The following RECQL5 variants were observed in gnomAD, a reference collection of about 807,000 sequenced individuals.
The protein encoded by RECQL5 is ATP-dependent DNA helicase Q5.
In RECQL5, 88 loss-of-function variants were observed where a neutral mutation model predicts 103.4. The observed-to-expected ratio is 0.85, with a 90% CI of 0.72 to 1.02. The LOEUF (loss-of-function observed/expected upper bound fraction) is 1.02. RECQL5 is among the 50% of genes least tolerant of loss of function. The pLI is 0.00. For synonymous variants in RECQL5, 552 were observed against 507.9 expected, an observed-to-expected ratio of 1.09 and a Z score of -1.17; for missense variants, 1,232 against 1,284.3, an observed-to-expected ratio of 0.96 and a Z score of 0.62.
At chr17:75,649,901 C>T (rs1273417290) in intron 8 of RECQL5, 1 of 985,440 alleles carries the variant, frequency 1.0e-6, no homozygotes, top group African/African-American at 1.7e-5. Context: ...GTCCCAGCTC[C>T]CCGGAAGGTG....
intron 6 of RECQL5, among the ~76,000 whole-genome samples, chr17:75,658,767 T>C (rs1308721952): frequency 6.6e-6 from 1 of 152,204 alleles, no homozygotes; most frequent in Non-Finnish European, 1.5e-5. Flanking sequence ...CTCTGCCACT[T>C]ATGAGCTATG....
At chr17:75,627,780 G>A (rs1408831830) in intron 18 of RECQL5, 88 bp from the exon 19 acceptor site, 3 of 1,207,040 alleles carry the variant, frequency 2.5e-6, no homozygotes, top group African/African-American at 1.5e-5. Context: ...AGCACTTTGG[G>A]AGGCCGAGGC....
rs748113692 is a variant in RECQL5, at chr17:75,661,594, G to A, written c.874+12C>T. 1.9e-6 allele frequency: 3 copies of A among 1,603,472 alleles called. No individual in the cohort carries two copies. Among genetic ancestry groups the A allele is most frequent in the East Asian group, 2.2e-5 (1 of 44,824 alleles). ...AGGGTGAAGAGACTCAAGTGGCCTG[G>A]GTGCCCCTTACCTGCATGGTAAGCC... On this transcript the variant is annotated intron_variant, in intron 5 of 19. Transcript: ENST00000317905.
At chr17:75,643,288 G>T (rs982077617) in intron 8 of RECQL5, among the ~76,000 whole-genome samples, 11 of 152,258 alleles carry the variant, frequency 7.2e-5, no homozygotes, top group African/African-American at 2.7e-4. Flanking sequence ...GGCGGCTGAG[G>T]CTGAGGCCCT....
In RECQL5 at chr17:75,662,997, C is replaced by A. The variant is rs1264160926; in HGVS notation, c.253G>T (p.Asp85Tyr). The stretch of plus-strand genomic sequence containing the variant: ...AGGGTTAGCAAGTGGTCCACTTGGT[C>A]CTAAGAGAAGAGAAAGAGGCTGTAA... ...VVSPLIALIQDQVDHLLTLKV... is the reference protein window; with the variant it reads ...VVSPLIALIQYQVDHLLTLKV... The change falls in exon 4 of 20, where the codon GAC becomes TAC. Residue 85 changes from aspartate to tyrosine, a missense_variant and splice_region_variant. Transcript: ENST00000317905. 4 of 1,587,242 alleles carry A rather than the reference C, an allele frequency of 2.5e-6. No individual in the cohort carries two copies. Among genetic ancestry groups the A allele is most frequent in the South Asian group, 1.2e-5 (1 of 86,440 alleles).
At chr17:75,633,384 G>A (rs1359699510) in intron 8 of RECQL5, 3 of 1,242,980 alleles carry the variant, frequency 2.4e-6, no homozygotes, top group African/African-American at 3.1e-5. Flanking sequence ...CACAGGGCCC[G>A]GCCCCTGGAC....
At chr17:75,651,122 G>C in intron 8 of RECQL5, 64 bp downstream of exon 8, 1 of 1,613,302 alleles carries the variant, frequency 6.2e-7, no homozygotes, top group South Asian at 1.1e-5. Flanking sequence ...GCTTAACTAG[G>C]GCGTGCCGGG....
At chr17:75,634,178 C>G (rs1396379026) in intron 8 of RECQL5, 2 of 985,418 alleles carry the variant, frequency 2.0e-6, no homozygotes, top group Non-Finnish European at 2.4e-6. Context: ...CACTGCTGCT[C>G]AGCCCCCAAC....
rs747096636 is a variant in RECQL5 at position 75,663,019 on chromosome 17, G to A, written c.253-22C>T. On this transcript the variant is annotated intron_variant, in intron 3 of 19. Transcript: ENST00000317905. ...GGTCCTAAGAGAAGAGAAAGAGGCTGTAACTGGCCCTCAGGACTCAGGTAA... is the reference window on the plus strand; with the variant it reads ...GGTCCTAAGAGAAGAGAAAGAGGCTATAACTGGCCCTCAGGACTCAGGTAA... The A allele has an allele frequency of 1.2e-5, 18 of 1,560,792 alleles. No individual in the cohort carries two copies. In the Admixed American group the frequency reaches 3.0e-4, roughly 26 times the overall value.
In RECQL5 at chr17:75,630,834, T is replaced by G; in HGVS notation, c.1589A>C (p.Glu530Ala). The stretch of plus-strand genomic sequence containing the variant: ...AGAAGCCTCTTTCAGGGGACAGTTC[T>G]CATCTGTGGGGGGGGGGGGTGGTCC... The part of the protein sequence containing the change: ...PKIEEFVPPD[E>A]NCPLKEASSR... The change falls in exon 12 of 20, where the codon GAG becomes GCG. Residue 530 changes from glutamate to alanine, a missense_variant. Transcript: ENST00000317905. 9.8e-7 allele frequency: 1 copy of G among 1,022,030 alleles called. No individual in the cohort carries two copies. Among genetic ancestry groups the G allele is most frequent in the Non-Finnish European group, 1.3e-6 (1 of 763,572 alleles). The allele number at this position is 1,022,030 out of a possible 1,614,324, so 63.3% of individuals were successfully genotyped here. A position where few individuals can be genotyped will look rare whatever the true frequency, so the allele number is the denominator to read the frequency against.
Position 75,627,369 on chromosome 17 carries a change from G to T in RECQL5, c.*53C>A. On this transcript the variant is annotated 3_prime_UTR_variant, in exon 20 of 20. Coordinates refer to ENST00000317905, the MANE Select transcript of RECQL5 (RefSeq NM_004259.7). ...GGCATCAGCAGGTGAGGCCCAGGAT[G>T]ACCCATGCTAGAATCTGGGGGAGGA... 7.5e-6 allele frequency: 10 copies of T among 1,337,480 alleles called. No homozygotes were observed. The highest frequency in any genetic ancestry group is 1.1e-5 in the Non-Finnish European group (10 of 931,140). 82.9% of individuals were successfully genotyped at this position (1,337,480 alleles called of 1,614,324 possible).
At chr17:75,666,348 G>A (rs11655319) in intron 2 of RECQL5, 80 bp downstream of exon 2, 1 of 1,501,280 alleles carries the variant, frequency 6.7e-7, no homozygotes, top group Non-Finnish European at 9.1e-7. Flanking sequence ...GCAGTACGAA[G>A]GGTGAGGAGG....
chr17:75,634,241 G>A, intron 8 of RECQL5: 1 of 985,556 alleles, frequency 1.0e-6, no homozygotes, highest in Non-Finnish European at 1.2e-6. Flanking sequence ...GGGACAGGGA[G>A]GGAGCAGCAA....
At position 75,634,001 on chromosome 17, in the gene RECQL5, C is replaced by T. The variant is rs974174511; in HGVS notation, c.1230-2333G>A. 18 of 985,434 alleles carry T rather than the reference C, an allele frequency of 1.8e-5. 2 individuals are homozygous for T. The South Asian group carries it at 2.8e-4, about 15-fold the overall frequency. 61.0% of individuals were successfully genotyped at this position (985,434 alleles called of 1,614,324 possible). On this transcript the variant is annotated intron_variant, in intron 8 of 19. Coordinates refer to ENST00000317905, the MANE Select transcript of RECQL5 (RefSeq NM_004259.7). The stretch of plus-strand genomic sequence containing the variant: ...CAAGCAGGGCTTCCTCGGGCTCCCC[C>T]TCGCGACGGTAATTTGACACTTGGA...
rs1336071857 is a variant in RECQL5, at chr17:75,629,082, CT to C, written c.2340del (p.Ala781ProfsTer100). The stretch of plus-strand genomic sequence containing the variant: ...GGGCAGGCACCTTCTGCCTCTGGGG[CT>C]GATGCCAGCAGAGCTGGGCTTTCCA... ...RRVESPALLA[S>X]APEAEGACPS... On this transcript the variant is annotated frameshift_variant, in exon 16 of 20. Coordinates refer to ENST00000317905, the MANE Select transcript of RECQL5 (RefSeq NM_004259.7). LOFTEE classifies it high-confidence loss of function. 35 of 1,613,024 alleles carry C rather than the reference CT, an allele frequency of 2.2e-5. No homozygotes were observed. The highest frequency in any genetic ancestry group is 2.9e-5 in the Non-Finnish European group (34 of 1,179,748).
chr17:75,631,315 A>G, intron 9 of RECQL5, 66 bp from the exon 10 acceptor site: 2 of 1,562,556 alleles, frequency 1.3e-6, no homozygotes, highest in Non-Finnish European at 1.8e-6. Context: ...TGCTGCTGCT[A>G]GAACGGCAAT....
intron 8 of RECQL5, among the ~76,000 whole-genome samples, chr17:75,648,337 C>T (rs11869981): frequency 0.01 from 1,550 of 152,126 alleles, 23 homozygotes; most frequent in African/African-American, 0.034. Flanking sequence ...TTTATACTCT[C>T]GAAACACCAT....
At chr17:75,661,113 G>A in intron 5 of RECQL5, 47 bp from the exon 6 acceptor site, 1 of 1,465,236 alleles carries the variant, frequency 6.8e-7, no homozygotes, top group Middle Eastern at 1.7e-4. Context: ...TTTCCCTTGG[G>A]TTTACCGGGG....
chr17:75,640,644 G>C lies in RECQL5; in HGVS notation c.1230-8976C>G. ...CTGGCGGCTGGCATGGGGACCGTCCGCACCTCTCACCAGCCTCTCGGATCT... is the reference window on the plus strand; with the variant it reads ...CTGGCGGCTGGCATGGGGACCGTCCCCACCTCTCACCAGCCTCTCGGATCT... On this transcript the variant is annotated intron_variant, in intron 8 of 19. Transcript: ENST00000317905. This position sits in a 1 kb window ranked among gnomAD's most constrained non-coding sequence, Gnocchi z 4.6. 6.9e-7 allele frequency: 1 copy of C among 1,449,530 alleles called. No homozygotes were observed. Among genetic ancestry groups the C allele is most frequent in the Non-Finnish European group, 9.1e-7 (1 of 1,095,270 alleles). 89.8% of individuals were successfully genotyped at this position (1,449,530 alleles called of 1,614,324 possible).
Sources: gnomAD v4.1 joint callset for allele counts (sites outside exome capture counted in the v4.1 genomes callset) on GRCh38, gnomAD v4.1.1 for gene constraint, Gnocchi (gnomAD v3.1) non-coding constraint, MANE v1.5 for transcripts, NCBI Gene and HGNC (gene_info 2026-07-23, HGNC 2026-07-21) for gene names.